The following RGSL1 variants were observed in gnomAD, a reference collection of about 807,000 sequenced individuals.
The protein encoded by RGSL1 is regulator of G protein signaling protein-like.
RGSL1 carries 97 observed loss-of-function variants against 124.7 expected under a neutral mutation model. The observed-to-expected ratio is 0.78, with a 90% CI of 0.66 to 0.92. RGSL1 has a LOEUF of 0.92. Ranked by LOEUF, RGSL1 falls within the 40% of genes least tolerant of loss-of-function variation. The pLI is 0.00. For missense variants in RGSL1, 1,233 were observed against 1,288.4 expected (o/e 0.96, Z 0.66); for synonymous variants, 424 against 438.1 (o/e 0.97, Z 0.40).
intron 1 of RGSL1, among the ~76,000 whole-genome samples, chr1:182,451,948 T>C (rs1651874356): frequency 6.6e-6 from 1 of 151,630 alleles, no homozygotes; most frequent in Non-Finnish European, 1.5e-5. Flanking sequence ...GATCCCCCAT[T>C]GCATGTAGGG....
intron 8 of RGSL1, 194 bp from the exon 9 acceptor site, chr1:182,492,828 A>G (rs546228942): frequency 3.7e-6 from 2 of 544,050 alleles, no homozygotes; most frequent in South Asian, 4.4e-5. Context: ...ACAGGGTTTC[A>G]CCATGTTAGT....
At chr1:182,486,333 A>C (rs891126799) in intron 6 of RGSL1, among the ~76,000 whole-genome samples, 7 of 149,034 alleles carry the variant, frequency 4.7e-5, no homozygotes, top group African/African-American at 1.7e-4. Context: ...TTTTTTGAGA[A>C]AAAGTCTCCC....
intron 10 of RGSL1, among the ~76,000 whole-genome samples, chr1:182,523,600 T>A (rs1201978225): frequency 6.6e-6 from 1 of 152,180 alleles, no homozygotes; most frequent in African/African-American, 2.4e-5. Context: ...CTAGAAGACA[T>A]ATCAGGGTCA....
intron 8 of RGSL1, among the ~76,000 whole-genome samples, chr1:182,492,714 C>T (rs1211525167): frequency 3.3e-5 from 5 of 151,920 alleles, no homozygotes; most frequent in East Asian, 1.9e-4. Context: ...CTACAAGCTC[C>T]GCCTCCCAGG....
chr1:182,559,090 A>T (rs541298209), intron 21 of RGSL1, among the ~76,000 whole-genome samples: 1 of 152,006 alleles, frequency 6.6e-6, no homozygotes, highest in Non-Finnish European at 1.5e-5. Flanking sequence ...ATTCTTTCTG[A>T]TTCTTCTTCA....
intron 6 of RGSL1, among the ~76,000 whole-genome samples, chr1:182,486,380 G>A (rs1163343461): frequency 6.8e-6 from 1 of 147,448 alleles, no homozygotes; most frequent in Middle Eastern, 3.3e-3. Flanking sequence ...GCACGATCTT[G>A]GTTCACTGCA....
rs77970257 is a variant in RGSL1 at position 182,523,972 on chromosome 1, G to A, written c.1931+1863G>A. Among the ~76,000 whole-genome samples, 1,299 of 152,280 alleles carry A rather than the reference G, an allele frequency of 8.5e-3. 20 individuals carry two copies. Among genetic ancestry groups the A allele is most frequent in the African/African-American group, 0.03 (1,255 of 41,560 alleles). On this transcript the variant is annotated intron_variant, in intron 10 of 21. Transcript: ENST00000294854. ...CAAATTCAATTACAAAGAAATTAGA[G>A]TATTTTGTAGGTAGGGATAAACCCT...
chr1:182,462,550 ATAAC>A (rs1343474492), intron 4 of RGSL1, among the ~76,000 whole-genome samples: 2 of 152,216 alleles, frequency 1.3e-5, no homozygotes, highest in African/African-American at 2.4e-5. Flanking sequence ...TTTTAAAAGA[ATAAC>A]TACTCGTCTA....
chr1:182,548,267 ACT>A, intron 15 of RGSL1, 48 bp from the exon 16 acceptor site: 1 of 1,547,298 alleles, frequency 6.5e-7, no homozygotes, highest in Non-Finnish European at 8.7e-7. Context: ...CTTGTTAGTC[ACT>A]GTTTTCATCT....
chr1:182,546,638 G>T (rs1262935318), intron 15 of RGSL1, among the ~76,000 whole-genome samples: 2 of 152,126 alleles, frequency 1.3e-5, no homozygotes, highest in Non-Finnish European at 2.9e-5. Flanking sequence ...ATGATCGCCT[G>T]CCTCAGCCTC....
At chr1:182,475,478 A>T (rs980239043) in intron 6 of RGSL1, among the ~76,000 whole-genome samples, 1 of 152,180 alleles carries the variant, frequency 6.6e-6, no homozygotes, top group African/African-American at 2.4e-5. Flanking sequence ...GTCATACCAT[A>T]AAGTCAGTAA....
chr1:182,542,243 G>A (rs937013505), intron 15 of RGSL1, among the ~76,000 whole-genome samples: 4 of 152,118 alleles, frequency 2.6e-5, no homozygotes, highest in African/African-American at 9.7e-5. Flanking sequence ...TTTTGTATAT[G>A]GTGAGAGATA....
At chr1:182,505,827 A>C (rs1656769246) in intron 9 of RGSL1, among the ~76,000 whole-genome samples, 1 of 152,202 alleles carries the variant, frequency 6.6e-6, no homozygotes, top group African/African-American at 2.4e-5. Context: ...ATATAGAAAT[A>C]TAATCGATTT....
intron 2 of RGSL1, among the ~76,000 whole-genome samples, chr1:182,454,330 GCT>G (rs1443457231): frequency 2.0e-5 from 3 of 152,066 alleles, no homozygotes; most frequent in African/African-American, 7.2e-5. Flanking sequence ...GATCCCCAGT[GCT>G]CTGTTGACAG....
At chr1:182,461,354 CA>C (rs1205186916) in intron 4 of RGSL1, among the ~76,000 whole-genome samples, 1 of 151,564 alleles carries the variant, frequency 6.6e-6, no homozygotes, top group Admixed American at 6.6e-5. Flanking sequence ...AAATTAACAA[CA>C]AAAACCCCCC....
At chr1:182,535,124 C>T (rs969420412) in intron 14 of RGSL1, among the ~76,000 whole-genome samples, 1 of 152,134 alleles carries the variant, frequency 6.6e-6, no homozygotes, top group Admixed American at 6.5e-5. Flanking sequence ...GAATACCCAT[C>T]ATCCAAGCCA....
chr1:182,557,440 A>C (rs140091536), intron 21 of RGSL1, among the ~76,000 whole-genome samples: 8 of 152,344 alleles, frequency 5.3e-5, no homozygotes, highest in African/African-American at 1.9e-4. Context: ...CCCAGGCATG[A>C]AACTAGAGAG....
intron 10 of RGSL1, among the ~76,000 whole-genome samples, chr1:182,526,502 T>TG (rs1553270584): frequency 1.1e-3 from 162 of 147,862 alleles, no homozygotes; most frequent in African/African-American, 3.9e-3. Flanking sequence ...ACTCCGTCTC[T>TG]AAAAAAAAAA....
intron 4 of RGSL1, chr1:182,471,281 G>A (rs1361273916): frequency 2.2e-6 from 1 of 457,362 alleles, no homozygotes; most frequent in African/African-American, 2.0e-5. Context: ...TTTCCTGGCA[G>A]CCAAGATGAT....
Sources: allele counts gnomAD v4.1 joint callset (sites outside exome capture counted in the v4.1 genomes callset), GRCh38; gene constraint gnomAD v4.1.1; transcripts MANE v1.5; gene names NCBI Gene and HGNC (gene_info 2026-07-23, HGNC 2026-07-21).